Variants in WDPCP observed in about 807,000 individuals in gnomAD.
The protein encoded by WDPCP is WD repeat containing planar cell polarity effector.
Under a neutral mutation model 93.1 loss-of-function variants are expected in WDPCP, and 71 were observed. That is an observed-to-expected ratio of 0.76 (90% confidence interval 0.63 to 0.93). The LOEUF is 0.93. Ranked by LOEUF, WDPCP falls within the 40% of genes least tolerant of loss-of-function variation. The pLI, the probability that WDPCP is intolerant of heterozygous loss-of-function variation, is 0.00. For synonymous variants in WDPCP, 315 were observed against 315.0 expected (o/e 1.00, Z 0.00); for missense variants, 844 against 887.4 (o/e 0.95, Z 0.62).
chr2:63,368,543 C>T (rs1691122697), intron 12 of WDPCP, among the ~76,000 whole-genome samples: 1 of 151,546 alleles, frequency 6.6e-6, no homozygotes, highest in African/African-American at 2.4e-5. Context: ...CCGGGCTGGT[C>T]TTGAATTCCC....
chr2:63,622,897 G>A, intron 3 of WDPCP: 1 of 1,387,686 alleles, frequency 7.2e-7, no homozygotes, highest in Admixed American at 1.9e-5. Flanking sequence ...GAGGCACGCG[G>A]GGGCCGGGCC....
At chr2:63,563,551 G>A (rs959439731) in intron 1 of WDPCP, among the ~76,000 whole-genome samples, 1 of 152,022 alleles carries the variant, frequency 6.6e-6, no homozygotes, top group Non-Finnish European at 1.5e-5. Context: ...ACTGCAGGGA[G>A]GGAGAAATGG....
intron 1 of WDPCP, among the ~76,000 whole-genome samples, chr2:63,533,297 C>A (rs1436388510): frequency 2.0e-5 from 3 of 152,092 alleles, no homozygotes; most frequent in Admixed American, 2.0e-4. Context: ...TTAGACAGAT[C>A]GATGAGACAG....
chr2:63,476,471 A>G lies in WDPCP; in HGVS notation c.384+8133T>C, dbSNP rs142012761. ...TTTTTAGGTCTAAGTAAAGTTATAA[A>G]TTCTCCACAAATTTGTTCTTATTTT... On this transcript the variant is annotated intron_variant, in intron 6 of 17. Transcript: ENST00000272321. Among the ~76,000 whole-genome samples, 101 of 152,248 alleles carry G rather than the reference A, an allele frequency of 6.6e-4. 2 individuals carry two copies. In the East Asian group the frequency reaches 0.019, roughly 28 times the overall value.
rs530262646 is a variant in WDPCP at position 63,502,578 on chromosome 2, C to T, written c.76-9638G>A. Among the ~76,000 whole-genome samples the T allele has an allele frequency of 4.6e-5, 7 of 152,214 alleles. No individual in the cohort carries two copies. In the South Asian group the frequency reaches 1.5e-3, roughly 32 times the overall value. ...TCCATTCATTAATGAAACCAAACAT[C>T]TTTTCATGGATTTTTAAAACAATTT... On this transcript the variant is annotated intron_variant, in intron 1 of 17. Transcript: ENST00000272321.
At chr2:63,554,745 G>C (rs780035161) in intron 1 of WDPCP, among the ~76,000 whole-genome samples, 14 of 152,120 alleles carry the variant, frequency 9.2e-5, no homozygotes, top group Non-Finnish European at 1.5e-4. Context: ...CTACTGAGAA[G>C]AACAAAAATG....
At chr2:63,716,388 C>T (rs1478244617) in intron 2 of WDPCP, among the ~76,000 whole-genome samples, 3 of 152,164 alleles carry the variant, frequency 2.0e-5, no homozygotes, top group African/African-American at 7.2e-5. Flanking sequence ...CTAAGTTTTG[C>T]GTTCTCTGGT....
At chr2:63,544,869 T>C (rs2106324571) in intron 1 of WDPCP, among the ~76,000 whole-genome samples, 2 of 152,322 alleles carry the variant, frequency 1.3e-5, no homozygotes, top group African/African-American at 2.4e-5. Context: ...ATTTAAAATA[T>C]TAACCTGAGA....
At chr2:63,513,009 G>A (rs1371704263) in intron 1 of WDPCP, among the ~76,000 whole-genome samples, 1 of 152,102 alleles carries the variant, frequency 6.6e-6, no homozygotes, top group African/African-American at 2.4e-5. Flanking sequence ...TGTGTCTCAT[G>A]AGGAAGACAG....
At chr2:63,170,115 A>C (rs1673278496) in intron 15 of WDPCP, among the ~76,000 whole-genome samples, 1 of 150,462 alleles carries the variant, frequency 6.6e-6, no homozygotes, top group African/African-American at 2.5e-5. Context: ...GCTGGTCTTG[A>C]GTCCCTGGGC....
intron 9 of WDPCP, among the ~76,000 whole-genome samples, chr2:63,432,921 C>T (rs942951875): frequency 1.3e-5 from 2 of 151,992 alleles, no homozygotes; most frequent in African/African-American, 4.8e-5. Flanking sequence ...CATCTTATCT[C>T]GAATACTAAT....
At chr2:63,707,890 C>T (rs983311281) in intron 2 of WDPCP, among the ~76,000 whole-genome samples, 3 of 152,194 alleles carry the variant, frequency 2.0e-5, no homozygotes, top group Non-Finnish European at 4.4e-5. Flanking sequence ...GCTGGAGGTC[C>T]ACTCCAGACC....
intron 14 of WDPCP, among the ~76,000 whole-genome samples, chr2:63,220,149 A>G (rs1677696379): frequency 6.6e-6 from 1 of 152,224 alleles, no homozygotes; most frequent in South Asian, 2.1e-4. Context: ...GGGTAGCTGA[A>G]GCCAGATTTT....
intron 2 of WDPCP, among the ~76,000 whole-genome samples, chr2:63,671,840 C>T (rs1710351820): frequency 6.6e-6 from 1 of 152,170 alleles, no homozygotes; most frequent in South Asian, 2.1e-4. Context: ...TAAATCAGTG[C>T]TTACTCAATT....
At chr2:63,416,255 A>G (rs2105312666) in intron 9 of WDPCP, among the ~76,000 whole-genome samples, 1 of 150,206 alleles carries the variant, frequency 6.7e-6, no homozygotes, top group Admixed American at 6.6e-5. Context: ...ACTGGAGTGC[A>G]GTGGTGCAAT....
intron 14 of WDPCP, among the ~76,000 whole-genome samples, chr2:63,235,421 AAAG>A (rs750971126): frequency 2.2e-4 from 33 of 152,332 alleles, no homozygotes; most frequent in Non-Finnish European, 3.5e-4. Flanking sequence ...CCAGATGTAC[AAAG>A]AAGAACTTGT....
At chr2:63,227,336 G>C (rs1678372651) in intron 14 of WDPCP, among the ~76,000 whole-genome samples, 1 of 151,956 alleles carries the variant, frequency 6.6e-6, no homozygotes, top group Non-Finnish European at 1.5e-5. Context: ...AAACCTGTCA[G>C]TATGATACCA....
chr2:63,388,839 A>G (rs1457805238), intron 10 of WDPCP, among the ~76,000 whole-genome samples: 11 of 152,202 alleles, frequency 7.2e-5, no homozygotes, highest in Non-Finnish European at 1.6e-4. Flanking sequence ...CGAGAAGACA[A>G]GGTTGGAGAA....
intron 1 of WDPCP, among the ~76,000 whole-genome samples, chr2:63,496,467 T>C (rs1291260427): frequency 6.6e-6 from 1 of 152,118 alleles, no homozygotes; most frequent in Admixed American, 6.5e-5. Context: ...AATCAAAAAT[T>C]ACAGTGTTTC....
Sources: allele counts gnomAD v4.1 joint callset (sites outside exome capture counted in the v4.1 genomes callset), GRCh38; gene constraint gnomAD v4.1.1; transcripts MANE v1.5; gene names NCBI Gene and HGNC (gene_info 2026-07-23, HGNC 2026-07-21).